Variants in RASAL2 observed in about 807,000 individuals in gnomAD.
The protein encoded by RASAL2 is RAS protein activator like 2, also known as ras GTPase-activating protein nGAP.
RASAL2 carries 58 observed loss-of-function variants against 128.9 expected under a neutral mutation model. The observed-to-expected ratio is 0.45, with a 90% CI of 0.36 to 0.56. RASAL2 has a LOEUF of 0.56. RASAL2 is among the 20% of genes least tolerant of loss of function. RASAL2 has a pLI of 0.00. For missense variants in RASAL2, 1,360 were observed against 1,601.6 expected, an observed-to-expected ratio of 0.85 and a Z score of 2.57; for synonymous variants, 561 against 580.8, an observed-to-expected ratio of 0.97 and a Z score of 0.49.
In RASAL2 at chr1:178,161,162, G is replaced by C. The variant is rs559608077; in HGVS notation, c.202+66468G>C. Among the ~76,000 whole-genome samples, 17 of 148,480 alleles carry C rather than the reference G, an allele frequency of 1.1e-4. No homozygotes were observed. The South Asian group carries it at 3.6e-3, about 32-fold the overall frequency. Reference sequence around the variant, plus strand: ...TACAGTACTTTTTTTCTTTTAAAACGTACAATTAAGTAGTTTTTAGTACTT... The same window carrying C: ...TACAGTACTTTTTTTCTTTTAAAACCTACAATTAAGTAGTTTTTAGTACTT... On this transcript the variant is annotated intron_variant, in intron 1 of 17. Coordinates refer to ENST00000367649, the MANE Select transcript of RASAL2 (RefSeq NM_170692.4).
chr1:178,370,124 A>T (rs909983636), intron 3 of RASAL2, among the ~76,000 whole-genome samples: 7 of 152,240 alleles, frequency 4.6e-5, no homozygotes, highest in Admixed American at 4.6e-4. Context: ...AGGCAGTTGA[A>T]CAAAACAAAA....
At chr1:178,341,614 A>T (rs1254487847) in intron 3 of RASAL2, 1 of 1,613,892 alleles carries the variant, frequency 6.2e-7, no homozygotes, top group Non-Finnish European at 8.5e-7. Context: ...CCCAGGTAAG[A>T]GTTTGTAGAG....
At chr1:178,157,736 C>T (rs1221339418) in intron 1 of RASAL2, among the ~76,000 whole-genome samples, 2 of 152,116 alleles carry the variant, frequency 1.3e-5, no homozygotes, top group Non-Finnish European at 2.9e-5. Context: ...GACTTGCGTA[C>T]ATTCACCCTT....
At chr1:178,372,179 T>C (rs969097661) in intron 3 of RASAL2, 51 of 984,924 alleles carry the variant, frequency 5.2e-5, no homozygotes, top group Non-Finnish European at 6.1e-5. Context: ...CTCTGTATCC[T>C]TTTTTTCTCA....
chr1:178,153,272 T>C (rs1660974528), intron 1 of RASAL2, among the ~76,000 whole-genome samples: 1 of 152,186 alleles, frequency 6.6e-6, no homozygotes, highest in South Asian at 2.1e-4. Context: ...CTTAATCTGA[T>C]TTAGACATTT....
At chr1:178,441,051 T>C (rs1676612501) in intron 6 of RASAL2, among the ~76,000 whole-genome samples, 1 of 123,360 alleles carries the variant, frequency 8.1e-6, no homozygotes, top group Non-Finnish European at 1.8e-5. Flanking sequence ...CCAGTTTTAA[T>C]TTCCTTGGAT....
intron 1 of RASAL2, among the ~76,000 whole-genome samples, chr1:178,227,053 A>G (rs569105012): frequency 1.3e-5 from 2 of 152,148 alleles, no homozygotes; most frequent in African/African-American, 2.4e-5. Context: ...TGAGTTCTCC[A>G]CATGTTAAAG....
rs370564926 is a variant in RASAL2 at position 178,350,884 on chromosome 1, A to G, written c.458-39216A>G. ...GCATTGCTACAAAGAAATACCTGAG[A>G]CTGGGTAATTTATAAAGAAAAGAGG... On this transcript the variant is annotated intron_variant, in intron 3 of 17. Coordinates refer to ENST00000367649, the MANE Select transcript of RASAL2 (RefSeq NM_170692.4). Among the ~76,000 whole-genome samples, 9 of 152,292 alleles carry G rather than the reference A, an allele frequency of 5.9e-5. No individual in the cohort carries two copies. The East Asian group carries it at 1.7e-3, about 29-fold the overall frequency.
At chr1:178,328,257 T>G (rs1261689247) in intron 3 of RASAL2, among the ~76,000 whole-genome samples, 1 of 133,056 alleles carries the variant, frequency 7.5e-6, no homozygotes, top group Non-Finnish European at 1.5e-5. Context: ...TCTTTTTAAA[T>G]TTTTTTTATT....
chr1:178,126,960 A>G (rs140572791), intron 1 of RASAL2, among the ~76,000 whole-genome samples: 1 of 152,270 alleles, frequency 6.6e-6, no homozygotes, highest in East Asian at 1.9e-4. Flanking sequence ...AGAAGCAAAC[A>G]CCCACTTATA....
At chr1:178,261,558 A>G (rs1487776549) in intron 1 of RASAL2, among the ~76,000 whole-genome samples, 1 of 152,222 alleles carries the variant, frequency 6.6e-6, no homozygotes, top group Non-Finnish European at 1.5e-5. Flanking sequence ...TTTTCCAGGA[A>G]ATGCACATAA....
intron 1 of RASAL2, among the ~76,000 whole-genome samples, chr1:178,155,769 C>T (rs1004774301): frequency 5.9e-5 from 9 of 151,810 alleles, no homozygotes; most frequent in African/African-American, 2.2e-4. Flanking sequence ...TGGGTGTACT[C>T]TACAGGACTT....
chr1:178,125,324 TAG>T (rs1329884570), intron 1 of RASAL2: 1 of 152,194 alleles, frequency 6.6e-6, no homozygotes, highest in Non-Finnish European at 1.5e-5. Flanking sequence ...AATTATTTCC[TAG>T]GTCTTTGGAA....
At chr1:178,306,161 T>G (rs1010806558) in intron 3 of RASAL2, among the ~76,000 whole-genome samples, 6 of 152,218 alleles carry the variant, frequency 3.9e-5, no homozygotes, top group Admixed American at 2.6e-4. Context: ...GGTTTTTTGT[T>G]CTTGCGATAG....
At chr1:178,328,100 G>C (rs1419922294) in intron 3 of RASAL2, among the ~76,000 whole-genome samples, 1 of 152,090 alleles carries the variant, frequency 6.6e-6, no homozygotes, top group Non-Finnish European at 1.5e-5. Flanking sequence ...AAGTTACTCT[G>C]TTTGTGGTAA....
chr1:178,202,547 A>C (rs184676725), intron 1 of RASAL2, among the ~76,000 whole-genome samples: 6 of 152,356 alleles, frequency 3.9e-5, no homozygotes, highest in Admixed American at 1.3e-4. Context: ...TGCACTTTGC[A>C]TGGAAGGAGA....
intron 3 of RASAL2, among the ~76,000 whole-genome samples, chr1:178,371,194 G>A (rs1003713703): frequency 5.3e-5 from 8 of 151,504 alleles, no homozygotes; most frequent in Admixed American, 3.3e-4. Context: ...TAATGTAAAC[G>A]ATGTAAAAAA....
intron 1 of RASAL2, among the ~76,000 whole-genome samples, chr1:178,140,598 G>A (rs566156776): frequency 1.3e-5 from 2 of 151,938 alleles, no homozygotes; most frequent in Admixed American, 6.5e-5. Context: ...GGCCTTTTTC[G>A]TTTAGCAATA....
At chr1:178,224,617 G>A (rs1232215840) in intron 1 of RASAL2, among the ~76,000 whole-genome samples, 2 of 152,094 alleles carry the variant, frequency 1.3e-5, no homozygotes, top group Non-Finnish European at 2.9e-5. Context: ...TTTATGAGTT[G>A]ATCTAAGAGC....
Sources: allele counts gnomAD v4.1 joint callset (sites outside exome capture counted in the v4.1 genomes callset), GRCh38; gene constraint gnomAD v4.1.1; transcripts MANE v1.5; gene names NCBI Gene and HGNC (gene_info 2026-07-23, HGNC 2026-07-21).